FXYD5: variants seen among roughly 807,000 people sequenced by gnomAD.
FXYD5 encodes the protein FXYD domain containing ion transport regulator 5, also known as FXYD domain-containing ion transport regulator 5.
Under a neutral mutation model 25.7 loss-of-function variants are expected in FXYD5, and 21 were observed. The ratio of observed to expected loss-of-function variants is 0.82; its 90% CI spans 0.58 to 1.18. The LOEUF is 1.18. FXYD5 is among the 50% of genes most tolerant of loss of function. FXYD5 has a pLI of 0.00. For synonymous variants in FXYD5, 101 were observed against 90.7 expected, an observed-to-expected ratio of 1.11 and a Z score of -0.64; for missense variants, 229 against 227.7, an observed-to-expected ratio of 1.01 and a Z score of -0.04.
intron 4 of FXYD5, 149 bp from the exon 5 acceptor site, chr19:35,160,560 G>C: frequency 1.6e-6 from 1 of 614,752 alleles, no homozygotes; most frequent in South Asian, 1.7e-5. Flanking sequence ...TGGTCAGGCT[G>C]GTCTCGAACT....
At chr19:35,156,018 A>C in intron 2 of FXYD5, among the ~76,000 whole-genome samples, 1 of 152,194 alleles carries the variant, frequency 6.6e-6, no homozygotes. Context: ...GCAACATCTC[A>C]GCCTTGCCTG....
chr19:35,154,858 G>A (rs1404997857), intron 1 of FXYD5, 49 bp downstream of exon 1: 4 of 153,784 alleles, frequency 2.6e-5, no homozygotes, highest in Non-Finnish European at 5.8e-5. Context: ...TCTGCCCACG[G>A]GCCGGGCTCA....
intron 8 of FXYD5, among the ~76,000 whole-genome samples, chr19:35,168,605 C>G (rs999616290): frequency 1.3e-5 from 2 of 152,094 alleles, no homozygotes; most frequent in African/African-American, 4.8e-5. Flanking sequence ...TCTAAAGTAC[C>G]CTTGGCTTCT....
chr19:35,163,763 A>T (rs907432547), intron 5 of FXYD5, among the ~76,000 whole-genome samples: 1 of 152,114 alleles, frequency 6.6e-6, no homozygotes, highest in African/African-American at 2.4e-5. Flanking sequence ...GTTTACAGAC[A>T]TGAGCCACTG....
chr19:35,156,252 C>T (rs1165489461), intron 2 of FXYD5, among the ~76,000 whole-genome samples: 1 of 152,180 alleles, frequency 6.6e-6, no homozygotes, highest in Non-Finnish European at 1.5e-5. Context: ...TCCTGCCTGC[C>T]CCCAGAACCC....
chr19:35,169,463 T>A (rs754275222), intron 8 of FXYD5, 103 bp from the exon 9 acceptor site: 40 of 861,062 alleles, frequency 4.6e-5, no homozygotes, highest in Non-Finnish European at 7.1e-5. Flanking sequence ...CCTTTGAGTT[T>A]CCCGAGGGGC....
Position 35,158,334 on chromosome 19 carries a change from T to C in FXYD5, c.143-10T>C, listed in dbSNP as rs1272669161. On this transcript the variant is annotated splice_polypyrimidine_tract_variant and intron_variant, in intron 3 of 8. Transcript: ENST00000392219. Reference sequence around the variant, plus strand: ...TTTTCTCTCCGTGACTCCTTGTTTCTGGACTCCAGATGCAGTCTACACAGA... The same window carrying C: ...TTTTCTCTCCGTGACTCCTTGTTTCCGGACTCCAGATGCAGTCTACACAGA... The C allele has an allele frequency of 3.1e-6, 5 of 1,595,140 alleles. No individual in the cohort carries two copies. In the African/African-American group the frequency reaches 6.7e-5, roughly 21 times the overall value.
chr19:35,166,362 C>G lies in FXYD5; in HGVS notation c.487+37C>G, dbSNP rs766588841. On this transcript the variant is annotated intron_variant, in intron 8 of 8. Coordinates refer to ENST00000392219, the MANE Select transcript of FXYD5 (RefSeq NM_014164.6). Reference sequence around the variant, plus strand: ...GGTTGGGTGGGAAGGACACCAAGACCAGGAGGGGGACTTATGACGGAGGGC... The same window carrying G: ...GGTTGGGTGGGAAGGACACCAAGACGAGGAGGGGGACTTATGACGGAGGGC... The G allele has an allele frequency of 3.0e-6, 4 of 1,330,306 alleles. No homozygotes were observed. The African/African-American group carries it at 5.8e-5, about 19-fold the overall frequency. The allele number at this position is 1,330,306 out of a possible 1,614,324, so 82.4% of individuals were successfully genotyped here.
rs143824801 is a variant in FXYD5 at position 35,155,678 on chromosome 19, C to T, written c.61+67C>T. ...AGCCAGGCCAGCCCCACGTGTGCTG[C>T]GGGGTGGGTGGTTGGCCCGTGTGAA... On this transcript the variant is annotated intron_variant, in intron 2 of 8. Transcript: ENST00000392219. 8.5e-5 allele frequency: 101 copies of T among 1,190,346 alleles called. No individual in the cohort carries two copies. The East Asian group carries it at 1.7e-3, about 20-fold the overall frequency. 73.7% of individuals were successfully genotyped at this position (1,190,346 alleles called of 1,614,324 possible).
chr19:35,164,181 G>A lies in FXYD5; in HGVS notation c.318G>A (p.Thr106=), dbSNP rs373475541. The A allele has an allele frequency of 1.2e-5, 20 of 1,613,880 alleles. No individual in the cohort carries two copies. Among genetic ancestry groups the A allele is most frequent in the East Asian group, 2.2e-5 (1 of 44,876 alleles). The change falls in exon 6 of 9, where the codon ACG becomes ACA. Residue 106 remains threonine, a synonymous_variant. Coordinates refer to ENST00000392219, the MANE Select transcript of FXYD5 (RefSeq NM_014164.6). Reference sequence around the variant, plus strand: ...CTCATCCCACTGATGACACCACGACGCTCTCTGAGAGACCATCCCCAAGCA... The same window carrying A: ...CTCATCCCACTGATGACACCACGACACTCTCTGAGAGACCATCCCCAAGCA... ...KAAHPTDDTT[T]LSERPSPSTD... is the part of the protein sequence containing the mutation.
chr19:35,158,845 G>A (rs1047540522), intron 4 of FXYD5, among the ~76,000 whole-genome samples: 4 of 150,576 alleles, frequency 2.7e-5, no homozygotes, highest in Non-Finnish European at 5.9e-5. Context: ...AAGTGCTCCC[G>A]GCCAGGCACA....
chr19:35,158,514 G>C lies in FXYD5; in HGVS notation c.199+114G>C, dbSNP rs2065377639. ...CATTTCAGTCCCTACTCCCAGCTCT[G>C]AATGCCCTGGTTTACTCTGGGTGGG... On this transcript the variant is annotated intron_variant, in intron 4 of 8. Transcript: ENST00000392219. 5.7e-6 allele frequency: 4 copies of C among 700,020 alleles called. No homozygotes were observed. In the African/African-American group the frequency reaches 7.0e-5, roughly 12 times the overall value. The allele number at this position is 700,020 out of a possible 1,614,324, so 43.4% of individuals were successfully genotyped here.
chr19:35,157,232 G>T (rs1028281972), intron 2 of FXYD5, among the ~76,000 whole-genome samples, 189 bp from the exon 3 acceptor site: 2 of 152,156 alleles, frequency 1.3e-5, no homozygotes, highest in African/African-American at 4.8e-5. Context: ...CGGGGAGGGG[G>T]ACTAGAAGAA....
intron 2 of FXYD5, 81 bp downstream of exon 2, chr19:35,155,692 GGCCCGTGTGAACGTTGTCCT>G: frequency 9.6e-7 from 1 of 1,044,828 alleles, no homozygotes; most frequent in African/African-American, 1.6e-5. Flanking sequence ...GTGGGTGGTT[GGCCCGTGTGAACGTTGTCCT>G]GCCCTGTCAC....
intron 8 of FXYD5, among the ~76,000 whole-genome samples, chr19:35,169,185 A>G (rs569777485): frequency 1.3e-5 from 2 of 151,550 alleles, no homozygotes; most frequent in East Asian, 3.9e-4. Context: ...AGGACTTAAC[A>G]CCCTCCCACT....
intron 6 of FXYD5, 59 bp from the exon 7 acceptor site, chr19:35,166,083 A>T: frequency 6.4e-7 from 1 of 1,552,482 alleles, no homozygotes; most frequent in East Asian, 2.2e-5. Context: ...TTTGCCATTC[A>T]CGTATTCACT....
In FXYD5 at chr19:35,155,496, C is replaced by T. The variant is rs149005229; in HGVS notation, c.1-55C>T. ...GGGCTGCAGGATCCCCGGGGGCTGC[C>T]GGAGGTCGGTCTCACTGACATCATG... On this transcript the variant is annotated intron_variant, in intron 1 of 8. Transcript: ENST00000392219. 57 of 1,425,922 alleles carry T rather than the reference C, an allele frequency of 4.0e-5. No individual in the cohort carries two copies. In the African/African-American group the frequency reaches 6.0e-4, roughly 15 times the overall value. 88.3% of individuals were successfully genotyped at this position (1,425,922 alleles called of 1,614,324 possible).
rs1352443103 is a variant in FXYD5, at chr19:35,155,714, C to T, written c.61+103C>T. On this transcript the variant is annotated intron_variant, in intron 2 of 8. Coordinates refer to ENST00000392219, the MANE Select transcript of FXYD5 (RefSeq NM_014164.6). ...GTTGGCCCGTGTGAACGTTGTCCTGCCCTGTCACCCTCCCGCTGAGCCGGC... is the reference window on the plus strand; with the variant it reads ...GTTGGCCCGTGTGAACGTTGTCCTGTCCTGTCACCCTCCCGCTGAGCCGGC... The T allele has an allele frequency of 1.1e-4, 95 of 834,022 alleles. 1 individual carries two copies. In the East Asian group the frequency reaches 2.3e-3, roughly 20 times the overall value. 51.7% of individuals were successfully genotyped at this position (834,022 alleles called of 1,614,324 possible).
intron 5 of FXYD5, among the ~76,000 whole-genome samples, 163 bp downstream of exon 5, chr19:35,160,964 G>A (rs2145417827): frequency 6.6e-6 from 1 of 152,304 alleles, no homozygotes; most frequent in South Asian, 2.1e-4. Flanking sequence ...GGGGAACCCT[G>A]AGTTAAAGTT....
Sources: gnomAD v4.1 joint callset for allele counts (sites outside exome capture counted in the v4.1 genomes callset) on GRCh38, gnomAD v4.1.1 for gene constraint, MANE v1.5 for transcripts, NCBI Gene and HGNC (gene_info 2026-07-23, HGNC 2026-07-21) for gene names.